The following SFMBT1 variants were observed in gnomAD, a reference collection of about 807,000 sequenced individuals.
SFMBT1 encodes the protein scm-like with four MBT domains protein 1.
A neutral mutation model predicts 108.7 loss-of-function variants in SFMBT1; 32 were observed. That is an observed-to-expected ratio of 0.29 (90% CI 0.22 to 0.40). SFMBT1 has a LOEUF of 0.40. SFMBT1 is among the 10% of genes least tolerant of loss of function. The pLI is 1.00. For synonymous variants in SFMBT1, 348 were observed against 369.5 expected, an observed-to-expected ratio of 0.94 and a Z score of 0.67; for missense variants, 816 against 1,059.6, an observed-to-expected ratio of 0.77 and a Z score of 3.19.
intron 2 of SFMBT1, among the ~76,000 whole-genome samples, chr3:52,957,363 G>C (rs1211781040): frequency 6.6e-6 from 1 of 152,112 alleles, no homozygotes; most frequent in Non-Finnish European, 1.5e-5. Context: ...CTCACAGACA[G>C]AAAGAATCAA....
chr3:52,984,395 A>G (rs1704830896), intron 1 of SFMBT1, among the ~76,000 whole-genome samples: 2 of 150,922 alleles, frequency 1.3e-5, no homozygotes, highest in African/African-American at 4.9e-5. Context: ...AATGGGGCCA[A>G]TTCTTTTTTT....
chr3:53,033,635 ACG>A (rs1349616393), intron 1 of SFMBT1, among the ~76,000 whole-genome samples: 1 of 151,904 alleles, frequency 6.6e-6, no homozygotes, highest in African/African-American at 2.4e-5. Context: ...ATACACACAC[ACG>A]TATTTTATGA....
chr3:52,985,700 T>C (rs1465698935), intron 1 of SFMBT1, among the ~76,000 whole-genome samples: 1 of 152,214 alleles, frequency 6.6e-6, no homozygotes, highest in East Asian at 1.9e-4. Flanking sequence ...CAAACCTAGA[T>C]GGTGCGGCCT....
At chr3:53,030,441 A>G (rs1699643444) in intron 1 of SFMBT1, among the ~76,000 whole-genome samples, 1 of 152,196 alleles carries the variant, frequency 6.6e-6, no homozygotes, top group Non-Finnish European at 1.5e-5. Context: ...ATGTATGTGT[A>G]TCCCTGTTTA....
At chr3:52,912,717 T>C (rs2106766334) in intron 15 of SFMBT1, 70 bp from the exon 16 acceptor site, 2 of 1,113,936 alleles carry the variant, frequency 1.8e-6, no homozygotes, top group Non-Finnish European at 2.7e-6. Flanking sequence ...TCTTGTCATC[T>C]CTTCCTTAAA....
At chr3:52,921,901 A>C in intron 10 of SFMBT1, 70 bp from the exon 11 acceptor site, 1 of 1,520,070 alleles carries the variant, frequency 6.6e-7, no homozygotes. Context: ...CAGCTAGAAA[A>C]CCTTTTTCAA....
intron 2 of SFMBT1, among the ~76,000 whole-genome samples, chr3:52,964,684 G>A (rs1209907803): frequency 6.6e-6 from 1 of 152,096 alleles, no homozygotes; most frequent in Admixed American, 6.6e-5. Flanking sequence ...ACAGCGGATT[G>A]CAAGTTTGGG....
intron 1 of SFMBT1, among the ~76,000 whole-genome samples, chr3:52,995,340 T>C (rs1698286329): frequency 2.0e-5 from 3 of 150,352 alleles, no homozygotes. Flanking sequence ...TATTTTTTAA[T>C]ATCCAGAAAA....
At chr3:53,005,844 GAC>G (rs1698720843) in intron 1 of SFMBT1, among the ~76,000 whole-genome samples, 2 of 152,164 alleles carry the variant, frequency 1.3e-5, no homozygotes, top group South Asian at 4.1e-4. Flanking sequence ...CCAATTGTAA[GAC>G]AGAGAGAGGG....
intron 13 of SFMBT1, among the ~76,000 whole-genome samples, chr3:52,917,946 A>G (rs1702411554): frequency 1.3e-5 from 2 of 152,352 alleles, no homozygotes; most frequent in South Asian, 4.1e-4. Context: ...TAGAGAATTC[A>G]ACACCCAATG....
At position 52,990,267 on chromosome 3, in the gene SFMBT1, T is replaced by C. The variant is rs1006479349; in HGVS notation, c.-130-21009A>G. On this transcript the variant is annotated intron_variant, in intron 1 of 20. Transcript: ENST00000394752. ...GTGAGATAAATGCAGTATTATTCTC[T>C]ATTAAAGTATAAAAGACAACTCGAC... Among the ~76,000 whole-genome samples, 10 of 152,350 alleles carry C rather than the reference T, an allele frequency of 6.6e-5. No homozygotes were observed. The South Asian group carries it at 8.3e-4, about 13-fold the overall frequency.
chr3:53,031,660 T>C (rs1467576080), intron 1 of SFMBT1, among the ~76,000 whole-genome samples: 2 of 152,126 alleles, frequency 1.3e-5, no homozygotes, highest in Non-Finnish European at 2.9e-5. Context: ...AATTGGTTAT[T>C]TATTCATACC....
intron 2 of SFMBT1, among the ~76,000 whole-genome samples, chr3:52,955,479 A>G (rs915376611): frequency 9.2e-5 from 14 of 151,950 alleles, no homozygotes; most frequent in Non-Finnish European, 2.1e-4. Flanking sequence ...AGAAGAAAAA[A>G]GAGAAAAATC....
intron 3 of SFMBT1, among the ~76,000 whole-genome samples, chr3:52,950,760 C>G (rs538499507): frequency 1.3e-5 from 2 of 152,106 alleles, no homozygotes; most frequent in African/African-American, 4.8e-5. Context: ...AGGCGTGAGC[C>G]ACCGTGCCCG....
intron 2 of SFMBT1, among the ~76,000 whole-genome samples, chr3:52,956,647 G>A: frequency 6.6e-6 from 1 of 152,080 alleles, no homozygotes; most frequent in Non-Finnish European, 1.5e-5. Context: ...TATAGTCCCA[G>A]CTACTCAGGA....
chr3:52,965,199 C>T (rs182090598), intron 2 of SFMBT1, among the ~76,000 whole-genome samples: 16 of 149,240 alleles, frequency 1.1e-4, no homozygotes, highest in Admixed American at 1.1e-3. Flanking sequence ...GAAAATAACC[C>T]AATTAATTAA....
chr3:52,966,950 T>TTATATATATATATATATATA (rs374164813), intron 2 of SFMBT1, among the ~76,000 whole-genome samples: 8 of 146,702 alleles, frequency 5.5e-5, no homozygotes, highest in African/African-American at 2.0e-4. Context: ...TTGTGATAAG[T>TTATATATATATATATATATA]TATATATATA....
At chr3:53,039,821 T>C (rs1314967742) in intron 1 of SFMBT1, among the ~76,000 whole-genome samples, 1 of 152,272 alleles carries the variant, frequency 6.6e-6, no homozygotes, top group East Asian at 1.9e-4. Flanking sequence ...ACTTTTTTTT[T>C]ATTTGATTTC....
chr3:52,912,759 G>A, intron 15 of SFMBT1, 112 bp from the exon 16 acceptor site: 2 of 774,552 alleles, frequency 2.6e-6, no homozygotes, highest in South Asian at 3.2e-5. Context: ...TTAAATTCTA[G>A]TCATATGAAT....
Sources: allele counts gnomAD v4.1 joint callset (sites outside exome capture counted in the v4.1 genomes callset), GRCh38; gene constraint gnomAD v4.1.1; transcripts MANE v1.5; gene names NCBI Gene and HGNC (gene_info 2026-07-23, HGNC 2026-07-21).